NKX2-1: variants seen among roughly 807,000 people sequenced by gnomAD.
The protein encoded by NKX2-1 is NK2 homeobox 1.
NKX2-1 carries 9 observed loss-of-function variants against 35.1 expected under a neutral mutation model. The ratio of observed to expected loss-of-function variants is 0.26; its 90% CI spans 0.15 to 0.45. The LOEUF is 0.45. Among genes scored for constraint, NKX2-1 ranks in the 20% least tolerant of loss-of-function variants. NKX2-1 has a pLI of 1.00. For synonymous variants in NKX2-1, 284 were observed against 269.9 expected (o/e 1.05, Z -0.51); for missense variants, 509 against 589.1 (o/e 0.86, Z 1.41).
In NKX2-1 at chr14:36,517,903, C is replaced by T. The variant is rs1881114769; in HGVS notation, c.581G>A (p.Arg194His). The T allele has an allele frequency of 6.2e-7, 1 of 1,609,766 alleles. No homozygotes were observed. Among genetic ancestry groups the T allele is most frequent in the African/African-American group, 1.3e-5 (1 of 74,938 alleles). ...APLPSAPRRK[R>H]RVLFSQAQVY... is the part of the protein sequence containing the mutation. ...CTGCGCCTGCGAGAAGAGCACCCGG[C>T]GCTTCCTGCGCGGCGCGCTTGGCAG... The change falls in exon 3 of 3, where the codon CGC becomes CAC. Residue 194 changes from arginine to histidine, a missense_variant. Around this residue, in one of 5 missense-constraint regions of NKX2-1, gnomAD observed 15 missense variants for 28.6 expected, o/e 0.52. Coordinates refer to ENST00000354822, the MANE Select transcript of NKX2-1 (RefSeq NM_001079668.3).
At position 36,517,135 on chromosome 14, in the gene NKX2-1, G is replaced by T. The variant is rs564521320; in HGVS notation, c.*143C>A. 5.9e-4 allele frequency: 824 copies of T among 1,401,000 alleles called. 3 individuals are homozygous for T. The African/African-American group carries it at 0.011, about 19-fold the overall frequency. The allele number at this position is 1,401,000 out of a possible 1,614,324, so 86.8% of individuals were successfully genotyped here. The stretch of plus-strand genomic sequence containing the variant: ...GACGTCCAGCAGTTTGGCCTTTGTG[G>T]TTTTTTTGTTCCTTGGTCTAAACGC... On this transcript the variant is annotated 3_prime_UTR_variant, in exon 3 of 3. Coordinates refer to ENST00000354822, the MANE Select transcript of NKX2-1 (RefSeq NM_001079668.3).
intron 1 of NKX2-1, 165 bp from the exon 2 acceptor site, chr14:36,519,535 G>A (rs1262519162): frequency 1.3e-6 from 2 of 1,535,542 alleles, no homozygotes; most frequent in African/African-American, 2.7e-5. Context: ...TGGCTTGAGT[G>A]GAGGCTCGGG....
chr14:36,519,146 G>A lies in NKX2-1; in HGVS notation c.302C>T (p.Thr101Met), dbSNP rs2139412038. The A allele has an allele frequency of 6.2e-7, 1 of 1,607,574 alleles. No homozygotes were observed. ...HGAVTAAYHM[T>M]AAGVPQLSHS... ...CGAGAGCTGGGGCACCCCCGCCGCC[G>A]TCATGTGGTAGGCGGCGGTGACGGC... The change falls in exon 2 of 3, where the codon ACG becomes ATG. Residue 101 changes from threonine (T) to methionine (M), a missense_variant. Coordinates refer to ENST00000354822, the MANE Select transcript of NKX2-1 (RefSeq NM_001079668.3).
At position 36,517,495 on chromosome 14, in the gene NKX2-1, G is replaced by A. The variant is rs994624549; in HGVS notation, c.989C>T (p.Ala330Val). ...AQHQAQAAQA[A>V]AAAISVGSGG... ...GCTGCCCACGGAGATGGCCGCTGCC[G>A]CCGCCTGCGCGGCCTGCGCCTGGTG... is the stretch of plus-strand genomic sequence containing the variant. The change falls in exon 3 of 3, where the codon GCG becomes GTG. Residue 330 changes from alanine to valine, a missense_variant. Ala to Val is a moderately conservative substitution (Grantham distance 64). This residue lies in a region of NKX2-1 where 212 missense variants were observed against 227.7 expected (regional missense o/e 0.93). Transcript: ENST00000354822. 4 of 1,347,308 alleles carry A rather than the reference G, an allele frequency of 3.0e-6. No homozygotes were observed. The African/African-American group carries it at 4.6e-5, about 16-fold the overall frequency. The allele number at this position is 1,347,308 out of a possible 1,614,324, so 83.5% of individuals were successfully genotyped here. A position where few individuals can be genotyped will look rare whatever the true frequency, so the allele number is the denominator to read the frequency against.
At position 36,517,475 on chromosome 14, in the gene NKX2-1, C is replaced by T. The variant is rs1304049841; in HGVS notation, c.1009G>A (p.Gly337Ser). 2 of 1,390,090 alleles carry T rather than the reference C, an allele frequency of 1.4e-6. No homozygotes were observed. The highest frequency in any genetic ancestry group is 1.5e-5 in the African/African-American group (1 of 65,928). The allele number at this position is 1,390,090 out of a possible 1,614,324, so 86.1% of individuals were successfully genotyped here. Residue 337 changes from glycine (G) to serine (S), a missense_variant, in exon 3 of 3, where the codon GGC becomes AGC. Gly to Ser is a moderately conservative substitution (Grantham distance 56). Around this residue, in one of 5 missense-constraint regions of NKX2-1, gnomAD observed 212 missense variants for 227.7 expected, o/e 0.93. Coordinates refer to ENST00000354822, the MANE Select transcript of NKX2-1 (RefSeq NM_001079668.3). ...GCGCCAAGGCCGGCGCCACCGCTGC[C>T]CACGGAGATGGCCGCTGCCGCCGCC... The part of the protein sequence containing the change: ...AQAAAAAISV[G>S]SGGAGLGAHP...
intron 1 of NKX2-1, 106 bp downstream of exon 1, chr14:36,519,947 A>G (rs957689000): frequency 1.4e-5 from 22 of 1,531,214 alleles, no homozygotes; most frequent in Non-Finnish European, 2.0e-5. Flanking sequence ...TTTGCAACCA[A>G]CTTGCGGAGT....
Position 36,517,993 on chromosome 14 carries a change from C to A in NKX2-1, c.491G>T (p.Gly164Val), listed in dbSNP as rs751097160. The A allele has an allele frequency of 1.3e-6, 2 of 1,598,620 alleles. No individual in the cohort carries two copies. The highest frequency in any genetic ancestry group is 2.2e-5 in the South Asian group (2 of 91,008). Residue 164 changes from glycine (G) to valine (V), a missense_variant, in exon 3 of 3, where the codon GGC becomes GTC. Physicochemically the swap from Gly to Val is moderately radical, Grantham distance 109. Around this residue, in one of 5 missense-constraint regions of NKX2-1, gnomAD observed 271 missense variants for 284.1 expected, o/e 0.95. Coordinates refer to ENST00000354822, the MANE Select transcript of NKX2-1 (RefSeq NM_001079668.3). ...AISRFMGPAS[G>V]MNMSGMGGLG... ...GCCGCCCATGCCGCTCATGTTCATG[C>A]CGCTCGCCGGGCCCATGAAGCGGGA... is the stretch of plus-strand genomic sequence containing the variant.
chr14:36,518,667 C>A (rs1881177245), intron 2 of NKX2-1, among the ~76,000 whole-genome samples: 1 of 152,202 alleles, frequency 6.6e-6, no homozygotes, highest in South Asian at 2.1e-4. Flanking sequence ...CTCGCCCCTG[C>A]TCCTTGAGCT....
chr14:36,518,738 G>T (rs1473647477), intron 2 of NKX2-1, among the ~76,000 whole-genome samples: 5 of 152,180 alleles, frequency 3.3e-5, no homozygotes, highest in Non-Finnish European at 7.3e-5. Flanking sequence ...CCAGTCCACC[G>T]CGCCTAGGAG....
In NKX2-1 at chr14:36,518,139, G is replaced by A. The variant is rs529251554; in HGVS notation, c.464-119C>T. On this transcript the variant is annotated intron_variant, in intron 2 of 2. Coordinates refer to ENST00000354822, the MANE Select transcript of NKX2-1 (RefSeq NM_001079668.3). ...CGACGGCGCCCTCCTGACCCAGGCA[G>A]CCTAGCGCTGGGGCCCAAGAGGCCC... 30 of 1,402,098 alleles carry A rather than the reference G, an allele frequency of 2.1e-5. No homozygotes were observed. The Admixed American group carries it at 6.0e-4, about 28-fold the overall frequency. 86.9% of individuals were successfully genotyped at this position (1,402,098 alleles called of 1,614,324 possible).
At position 36,517,577 on chromosome 14, in the gene NKX2-1, C is replaced by A; in HGVS notation, c.907G>T (p.Gly303Cys). 6.7e-7 allele frequency: 1 copy of A among 1,489,352 alleles called. No individual in the cohort carries two copies. The highest frequency in any genetic ancestry group is 8.9e-7 in the Non-Finnish European group (1 of 1,127,556). 92.3% of individuals were successfully genotyped at this position (1,489,352 alleles called of 1,614,324 possible). The change falls in exon 3 of 3, where the codon GGT (glycine) becomes TGT (cysteine). Residue 303 changes from glycine (G) to cysteine (C), a missense_variant. Physicochemically the swap from Gly to Cys is radical, Grantham distance 159. Transcript: ENST00000354822. Reference protein sequence around the residue: ...LVKDGKPCQAGAPAPGAASLQ... With the variant: ...LVKDGKPCQACAPAPGAASLQ... ...CTGGCGGCGCCCGGCGCGGGGGCAC[C>A]CGCCTGGCACGGTTTGCCGTCTTTC... is the stretch of plus-strand genomic sequence containing the variant.
rs2139405063 is a variant in NKX2-1, at chr14:36,517,254, G to A, written c.*24C>T. On this transcript the variant is annotated 3_prime_UTR_variant, in exon 3 of 3. Transcript: ENST00000354822. ...AGGGAAGCGGTGAGGCAGAGCGCTGGGCTAGGGCCGGCCCGGCGTCCTCTC... is the reference window on the plus strand; with the variant it reads ...AGGGAAGCGGTGAGGCAGAGCGCTGAGCTAGGGCCGGCCCGGCGTCCTCTC... 1.3e-6 allele frequency: 2 copies of A among 1,587,146 alleles called. No individual in the cohort carries two copies.
rs1332287438 is a variant in NKX2-1, at chr14:36,519,186, C to T, written c.262G>A (p.Val88Met). 1 of 1,603,066 alleles carries T rather than the reference C, an allele frequency of 6.2e-7. No individual in the cohort carries two copies. The highest frequency in any genetic ancestry group is 1.3e-5 in the African/African-American group (1 of 74,708). Residue 88 changes from valine to methionine, a missense_variant, in exon 2 of 3, where the codon GTG becomes ATG. This residue lies in a region of NKX2-1 where 271 missense variants were observed against 284.1 expected (regional missense o/e 0.95). Coordinates refer to ENST00000354822, the MANE Select transcript of NKX2-1 (RefSeq NM_001079668.3). ...GCGGTGACGGCGCCGTGGTGCCCCACGGCGTGCTGCTGCATGGCCGCTGTT... is the reference window on the plus strand; with the variant it reads ...GCGGTGACGGCGCCGTGGTGCCCCATGGCGTGCTGCTGCATGGCCGCTGTT... ...PPTAAMQQHA[V>M]GHHGAVTAAY...
chr14:36,518,153 C>A (rs1881138795), intron 2 of NKX2-1, 133 bp from the exon 3 acceptor site: 2 of 1,242,246 alleles, frequency 1.6e-6, no homozygotes, highest in Admixed American at 2.2e-5. Context: ...AGCGCTGGGG[C>A]CCAAGAGGCC....
At chr14:36,518,052 G>A (rs1881127447) in intron 2 of NKX2-1, 32 bp from the exon 3 acceptor site, 1 of 1,594,736 alleles carries the variant, frequency 6.3e-7, no homozygotes, top group Non-Finnish European at 8.5e-7. Context: ...CGTCGGCCGG[G>A]GCCAGGCCGA....
rs758796327 is a variant in NKX2-1 at position 36,519,219 on chromosome 14, C to A, written c.229G>T (p.Ala77Ser). Residue 77 changes from alanine to serine, a missense_variant, in exon 2 of 3, where the codon GCA (alanine) becomes TCA (serine). This residue lies in a region of NKX2-1 where 271 missense variants were observed against 284.1 expected (regional missense o/e 0.95). Transcript: ENST00000354822. ...TGCTGCATGGCCGCTGTTGGCGGTG[C>A]CGCCTGGCCCTGCCTGTACGCCGCC... ...PLAAYRQGQA[A>S]PPTAAMQQHA... 6.2e-7 allele frequency: 1 copy of A among 1,604,502 alleles called. No homozygotes were observed. The highest frequency in any genetic ancestry group is 8.5e-7 in the Non-Finnish European group (1 of 1,175,840).
chr14:36,518,711 T>C (rs1482348875), intron 2 of NKX2-1, among the ~76,000 whole-genome samples: 3 of 152,174 alleles, frequency 2.0e-5, no homozygotes, highest in Non-Finnish European at 4.4e-5. Flanking sequence ...CGAGGTCTTC[T>C]GCGCCGAGCA....
In NKX2-1 at chr14:36,517,544, C is replaced by T. The variant is rs1340005856; in HGVS notation, c.940G>A (p.Gly314Ser). 6.8e-7 allele frequency: 1 copy of T among 1,459,872 alleles called. No homozygotes were observed. The highest frequency in any genetic ancestry group is 9.0e-7 in the Non-Finnish European group (1 of 1,114,144). 90.4% of individuals were successfully genotyped at this position (1,459,872 alleles called of 1,614,324 possible). ...TGCTGCGCCTGCTGCTGCGCGTGGC[C>T]TTGTAGGCTGGCGGCGCCCGGCGCG... ...APAPGAASLQ[G>S]HAQQQAQHQA... is the part of the protein sequence containing the mutation. The change falls in exon 3 of 3, where the codon GGC becomes AGC. Residue 314 changes from glycine to serine, a missense_variant. By Grantham distance (56) the Gly-to-Ser change is moderately conservative. Transcript: ENST00000354822.
At position 36,518,003 on chromosome 14, in the gene NKX2-1, G is replaced by A. The variant is rs752352075; in HGVS notation, c.481C>T (p.Pro161Ser). The A allele has an allele frequency of 1.3e-6, 2 of 1,598,422 alleles. No homozygotes were observed. Among genetic ancestry groups the A allele is most frequent in the South Asian group, 2.2e-5 (2 of 91,046 alleles). The change falls in exon 3 of 3, where the codon CCG (proline) becomes TCG (serine). Residue 161 changes from proline to serine, a missense_variant. Transcript: ENST00000354822. ...CCGCTCATGTTCATGCCGCTCGCCGGGCCCATGAAGCGGGAGACTGTAAGC... is the reference window on the plus strand; with the variant it reads ...CCGCTCATGTTCATGCCGCTCGCCGAGCCCATGAAGCGGGAGACTGTAAGC... ...RFPAISRFMG[P>S]ASGMNMSGMG...
Sources: gnomAD v4.1 joint callset for allele counts (sites outside exome capture counted in the v4.1 genomes callset) on GRCh38, gnomAD v4.1.1 for gene constraint, gnomAD v4.1.1 regional missense constraint, MANE v1.5 for transcripts, NCBI Gene and HGNC (gene_info 2026-07-23, HGNC 2026-07-21) for gene names.